TMEM74: variants seen among roughly 807,000 people sequenced by gnomAD.
TMEM74 encodes the protein transmembrane protein 74.
TMEM74 carries 13 observed loss-of-function variants against 18.1 expected under a neutral mutation model. The ratio of observed to expected loss-of-function variants is 0.72; its 90% CI spans 0.47 to 1.14. TMEM74 has a LOEUF of 1.14. Ranked by LOEUF, TMEM74 falls within the 50% of genes most tolerant of loss-of-function variation. The probability of loss-of-function intolerance (pLI) is 0.00; values close to 1 mark genes in which losing one functional copy is unlikely to be tolerated. For missense variants in TMEM74, 372 were observed against 375.9 expected (o/e 0.99, Z 0.09); for synonymous variants, 159 against 146.6 (o/e 1.08, Z -0.61).
At chr8:108,627,713 C>T (rs1455242085) in intron 2 of TMEM74, among the ~76,000 whole-genome samples, 2 of 151,926 alleles carry the variant, frequency 1.3e-5, no homozygotes, top group African/African-American at 4.8e-5. Context: ...AGAATTTTCA[C>T]TGAGACCCAT....
At chr8:108,636,449 A>G (rs1424562266) in intron 2 of TMEM74, among the ~76,000 whole-genome samples, 2 of 152,100 alleles carry the variant, frequency 1.3e-5, no homozygotes, top group Admixed American at 1.3e-4. Context: ...GAAGGAAAAG[A>G]GTGAGCATTA....
At chr8:108,777,538 A>T (rs1354507397), downstream of TMEM74, among the ~76,000 whole-genome samples, 1 of 152,238 alleles carries the variant, frequency 6.6e-6, no homozygotes, top group Non-Finnish European at 1.5e-5. Context: ...ATTTCTTTAT[A>T]GGAAGGGTTC....
At chr8:108,704,806 G>T (rs1012787063) in intron 1 of TMEM74, among the ~76,000 whole-genome samples, 1 of 152,114 alleles carries the variant, frequency 6.6e-6, no homozygotes, top group African/African-American at 2.4e-5. Context: ...TGCAGGAGGT[G>T]GTGTCTTACC....
intron 2 of TMEM74, among the ~76,000 whole-genome samples, chr8:108,611,855 C>G (rs758372251): frequency 2.0e-5 from 3 of 152,044 alleles, no homozygotes; most frequent in African/African-American, 7.2e-5. Context: ...GAAATACCAA[C>G]GACTGGGTAA....
chr8:108,763,509 T>C (rs1009757908), intron 1 of TMEM74, among the ~76,000 whole-genome samples: 9 of 152,174 alleles, frequency 5.9e-5, no homozygotes, highest in Admixed American at 1.3e-4. Context: ...CAATTGACGC[T>C]TGGCATTTGA....
chr8:108,648,550 C>G (rs571608611), intron 2 of TMEM74, among the ~76,000 whole-genome samples: 1 of 152,100 alleles, frequency 6.6e-6, no homozygotes, highest in East Asian at 1.9e-4. Flanking sequence ...GAGGATTATC[C>G]TGGATCATCT....
At chr8:108,656,807 G>A (rs953990816) in intron 1 of TMEM74, among the ~76,000 whole-genome samples, 4 of 152,212 alleles carry the variant, frequency 2.6e-5, no homozygotes, top group South Asian at 4.2e-4. Flanking sequence ...CTAGAAACGT[G>A]CAAAAGAAAT....
intron 1 of TMEM74, among the ~76,000 whole-genome samples, chr8:108,734,689 T>G (rs577586010): frequency 2.6e-4 from 39 of 152,092 alleles, no homozygotes; most frequent in Non-Finnish European, 4.9e-4. Flanking sequence ...AAAAGAAAAA[T>G]TTAAAGAAAG....
At chr8:108,705,328 G>C (rs1317208079) in intron 1 of TMEM74, among the ~76,000 whole-genome samples, 1 of 152,200 alleles carries the variant, frequency 6.6e-6, no homozygotes, top group Non-Finnish European at 1.5e-5. Flanking sequence ...ACAACGCCTT[G>C]AAGTCTGTTT....
intron 1 of TMEM74, among the ~76,000 whole-genome samples, chr8:108,672,082 A>G (rs1212815386): frequency 6.6e-6 from 1 of 152,104 alleles, no homozygotes. Flanking sequence ...TGGGTGGAAA[A>G]ACTCCACTCA....
chr8:108,674,194 CTT>C (rs1376330369), intron 1 of TMEM74, among the ~76,000 whole-genome samples: 2 of 152,060 alleles, frequency 1.3e-5, no homozygotes, highest in Non-Finnish European at 2.9e-5. Context: ...TATACATGAG[CTT>C]TGTGGGGCTG....
chr8:108,775,837 C>T (rs148745987), downstream of TMEM74, among the ~76,000 whole-genome samples: 619 of 152,270 alleles, frequency 4.1e-3, 5 homozygotes, highest in African/African-American at 0.013. Context: ...TACCCTCTTC[C>T]GGCTCTGGTA....
At chr8:108,768,753 A>G (rs1814138052) in intron 1 of TMEM74, among the ~76,000 whole-genome samples, 1 of 152,152 alleles carries the variant, frequency 6.6e-6, no homozygotes, top group South Asian at 2.1e-4. Context: ...GTCTGGCTCA[A>G]ACCTTCACCT....
intron 1 of TMEM74, among the ~76,000 whole-genome samples, chr8:108,692,088 T>C (rs74808754): frequency 0.029 from 4,463 of 152,222 alleles, 122 homozygotes; most frequent in African/African-American, 0.066. Flanking sequence ...ATAATAAAGC[T>C]GAGATTCAGA....
intron 2 of TMEM74, among the ~76,000 whole-genome samples, chr8:108,644,260 C>G (rs1812694155): frequency 6.6e-6 from 1 of 152,106 alleles, no homozygotes. Flanking sequence ...GAAAATGATT[C>G]CCTGTTCAAT....
chr8:108,717,190 T>C (rs1813534890), intron 1 of TMEM74, among the ~76,000 whole-genome samples: 1 of 152,048 alleles, frequency 6.6e-6, no homozygotes, highest in Non-Finnish European at 1.5e-5. Flanking sequence ...ACAAGCATGC[T>C]AAATTTTAAC....
At chr8:108,756,940 T>G (rs1028950924) in intron 1 of TMEM74, among the ~76,000 whole-genome samples, 2 of 152,098 alleles carry the variant, frequency 1.3e-5, no homozygotes, top group African/African-American at 4.8e-5. Flanking sequence ...GGAAAGGGTT[T>G]ACTTACCTGG....
In TMEM74 at chr8:108,780,270, G is replaced by C. The variant is rs1188452567; in HGVS notation, c.*3911C>G. Among the ~76,000 whole-genome samples, 1 of 152,102 alleles carries C rather than the reference G, an allele frequency of 6.6e-6. No homozygotes were observed. The highest frequency in any genetic ancestry group is 2.4e-5 in the African/African-American group (1 of 41,424). On this transcript the variant is annotated 3_prime_UTR_variant, in exon 2 of 2. Coordinates refer to ENST00000297459, the MANE Select transcript of TMEM74 (RefSeq NM_153015.3). ...CAGGTTGAAAAACCTTCTCCTAAGA[G>C]ATATACATATAGAACACTTTTTTAA...
intron 1 of TMEM74, among the ~76,000 whole-genome samples, chr8:108,724,407 A>G (rs1000635727): frequency 1.3e-5 from 2 of 152,186 alleles, no homozygotes; most frequent in Non-Finnish European, 2.9e-5. Context: ...AAATGTTATG[A>G]AATCAAGTTG....
Sources: allele counts gnomAD v4.1 joint callset (sites outside exome capture counted in the v4.1 genomes callset), GRCh38; gene constraint gnomAD v4.1.1; transcripts MANE v1.5; gene names NCBI Gene and HGNC (gene_info 2026-07-23, HGNC 2026-07-21).